Variants in CSTPP1 observed in about 807,000 individuals in gnomAD.
CSTPP1 encodes UPF0705 protein C11orf49.
At chr11:46,998,728 T>C in the CSTPP1 span, among the ~76,000 whole-genome samples, 13 of 152,010 alleles carry the variant, frequency 8.6e-5, no homozygotes, top group African/African-American at 3.1e-4. Flanking sequence ...GCTTCAGTTT[T>C]TTTGTTTTGT....
the CSTPP1 span, among the ~76,000 whole-genome samples, chr11:47,029,664 G>A: frequency 4.6e-5 from 7 of 151,770 alleles, no homozygotes; most frequent in East Asian, 1.2e-3. Context: ...AGATGTTTTG[G>A]ATCTTTGGTC....
the CSTPP1 span, among the ~76,000 whole-genome samples, chr11:47,146,612 T>C: frequency 6.6e-5 from 10 of 152,172 alleles, no homozygotes; most frequent in Non-Finnish European, 1.5e-4. Context: ...TTGGTGAGGA[T>C]GTGAAATAGT....
chr11:47,103,054 G>T, the CSTPP1 span, among the ~76,000 whole-genome samples: 1 of 150,642 alleles, frequency 6.6e-6, no homozygotes, highest in Non-Finnish European at 1.5e-5. Flanking sequence ...TTTGGAGAGA[G>T]TGTGGCCCCA....
At chr11:47,046,033 C>T in the CSTPP1 span, among the ~76,000 whole-genome samples, 1 of 152,096 alleles carries the variant, frequency 6.6e-6, no homozygotes, top group East Asian at 1.9e-4. Flanking sequence ...GATGCACCCG[C>T]CTCAGCCTCC....
chr11:47,122,682 A>G, the CSTPP1 span, among the ~76,000 whole-genome samples: 1 of 152,142 alleles, frequency 6.6e-6, no homozygotes, highest in South Asian at 2.1e-4. Context: ...TCCCAGGTTC[A>G]AGCAGTTCTG....
At chr11:47,063,687 TTG>T in the CSTPP1 span, among the ~76,000 whole-genome samples, 35 of 152,348 alleles carry the variant, frequency 2.3e-4, 1 homozygote, top group Non-Finnish European at 4.7e-4. Context: ...TAATATTCCA[TTG>T]TGTGTATATA....
chr11:47,105,132 C>G, the CSTPP1 span, among the ~76,000 whole-genome samples: 4 of 152,226 alleles, frequency 2.6e-5, no homozygotes, highest in South Asian at 8.3e-4. Context: ...GAAGAAACTC[C>G]CATTTCATGT....
At chr11:47,017,078 C>T in the CSTPP1 span, among the ~76,000 whole-genome samples, 2 of 150,190 alleles carry the variant, frequency 1.3e-5, no homozygotes, top group East Asian at 2.0e-4. Context: ...GTCTCGATCT[C>T]CTGATCTCAT....
the CSTPP1 span, among the ~76,000 whole-genome samples, chr11:46,951,732 A>C: frequency 6.6e-6 from 1 of 152,146 alleles, no homozygotes; most frequent in Non-Finnish European, 1.5e-5. Flanking sequence ...CATGAGAAGA[A>C]ATGGTGGCTC....
At chr11:47,104,090 T>C in the CSTPP1 span, among the ~76,000 whole-genome samples, 1 of 152,220 alleles carries the variant, frequency 6.6e-6, no homozygotes, top group Non-Finnish European at 1.5e-5. Flanking sequence ...TTCTCCCTAC[T>C]TACCCATTTC....
the CSTPP1 span, among the ~76,000 whole-genome samples, chr11:47,115,122 T>C: frequency 6.6e-6 from 1 of 152,346 alleles, no homozygotes; most frequent in African/African-American, 2.4e-5. Context: ...GTTTATATGA[T>C]GGATTACATT....
the CSTPP1 span, among the ~76,000 whole-genome samples, chr11:47,042,692 C>T: frequency 2.9e-4 from 44 of 152,212 alleles, no homozygotes; most frequent in South Asian, 8.7e-3. Context: ...TTTGAATACT[C>T]GTTTTGGCAA....
At chr11:47,017,009 AT>A in the CSTPP1 span, among the ~76,000 whole-genome samples, 354 of 134,564 alleles carry the variant, frequency 2.6e-3, no homozygotes, top group Middle Eastern at 3.9e-3. Flanking sequence ...CGCCTGGCTA[AT>A]TTTTTTTTTT....
chr11:47,078,308 G>A, the CSTPP1 span, among the ~76,000 whole-genome samples: 4 of 152,308 alleles, frequency 2.6e-5, no homozygotes, highest in African/African-American at 7.2e-5. Flanking sequence ...GTTGAGTGAC[G>A]GAAGCAACGT....
At chr11:47,043,120 C>A in the CSTPP1 span, among the ~76,000 whole-genome samples, 1 of 152,176 alleles carries the variant, frequency 6.6e-6, no homozygotes, top group Non-Finnish European at 1.5e-5. Context: ...AAGCTCATTT[C>A]TTGAATGGTG....
At chr11:46,945,250 T>C in the CSTPP1 span, among the ~76,000 whole-genome samples, 1 of 152,148 alleles carries the variant, frequency 6.6e-6, no homozygotes, top group African/African-American at 2.4e-5. Context: ...GGAAATGAAA[T>C]AAAATAGGTG....
chr11:47,120,102 G>A, the CSTPP1 span, among the ~76,000 whole-genome samples: 1 of 152,242 alleles, frequency 6.6e-6, no homozygotes, highest in African/African-American at 2.4e-5. This position sits in a 1 kb window ranked among gnomAD's most constrained non-coding sequence, Gnocchi z 4.2. Flanking sequence ...ATTAAATGTG[G>A]ATTCTCACTC....
chr11:47,038,113 C>T, the CSTPP1 span, among the ~76,000 whole-genome samples: 7 of 53,718 alleles, frequency 1.3e-4, no homozygotes, highest in African/African-American at 1.8e-4. Flanking sequence ...CTGACCCCCC[C>T]ACCTCCCTCC....
chr11:47,164,227 A>G, the CSTPP1 span: 3 of 1,613,446 alleles, frequency 1.9e-6, no homozygotes, highest in Middle Eastern at 3.3e-4. Context: ...ACGCCCTACC[A>G]TTACCGGTGG....
Sources: gnomAD v4.1 joint callset for allele counts (sites outside exome capture counted in the v4.1 genomes callset) on GRCh38, gnomAD v4.1.1 for gene constraint, Gnocchi (gnomAD v3.1) non-coding constraint, MANE v1.5 for transcripts, NCBI Gene and HGNC (gene_info 2026-07-23, HGNC 2026-07-21) for gene names.